Variants in GPBP1 observed in about 807,000 individuals in gnomAD.
The protein encoded by GPBP1 is GC-rich promoter binding protein 1.
In GPBP1, 13 loss-of-function variants were observed where a neutral mutation model predicts 56.5. The ratio of observed to expected loss-of-function variants is 0.23; its 90% CI spans 0.15 to 0.37. GPBP1 has a LOEUF of 0.37. Among genes scored for constraint, GPBP1 ranks in the 10% least tolerant of loss-of-function variants. The probability of loss-of-function intolerance (pLI) is 1.00; values close to 1 mark genes in which losing one functional copy is unlikely to be tolerated. For missense variants in GPBP1, 477 were observed against 572.3 expected (o/e 0.83, Z 1.70); for synonymous variants, 204 against 188.9 (o/e 1.08, Z -0.66).
intron 3 of GPBP1, among the ~76,000 whole-genome samples, chr5:57,226,993 C>A (rs1425894600): frequency 1.3e-5 from 2 of 151,960 alleles, no homozygotes; most frequent in Non-Finnish European, 2.9e-5. Context: ...CCTGCCTTGG[C>A]CTCCCAAAGT....
chr5:57,200,751 C>T (rs776061473), intron 2 of GPBP1, among the ~76,000 whole-genome samples: 6 of 151,862 alleles, frequency 4.0e-5, no homozygotes, highest in Admixed American at 2.0e-4. Flanking sequence ...GCATGATCTC[C>T]GCTCACTGCA....
intron 6 of GPBP1, among the ~76,000 whole-genome samples, chr5:57,238,054 T>A (rs1236527561): frequency 6.6e-6 from 1 of 152,232 alleles, no homozygotes; most frequent in Non-Finnish European, 1.5e-5. Flanking sequence ...ACTTCAATAG[T>A]GTTTTTATGT....
intron 2 of GPBP1, among the ~76,000 whole-genome samples, chr5:57,204,107 G>A (rs992235014): frequency 7.2e-5 from 11 of 152,098 alleles, no homozygotes; most frequent in African/African-American, 2.7e-4. Flanking sequence ...GCATGCAGTA[G>A]ATGTCTACTA....
At chr5:57,203,500 C>G (rs78029840) in intron 2 of GPBP1, among the ~76,000 whole-genome samples, 203 of 152,072 alleles carry the variant, frequency 1.3e-3, no homozygotes, top group African/African-American at 4.7e-3. Flanking sequence ...TTAGCCAGGC[C>G]CATGTGGTGC....
intron 2 of GPBP1, among the ~76,000 whole-genome samples, chr5:57,197,202 A>G (rs1754803509): frequency 6.6e-6 from 1 of 151,994 alleles, no homozygotes; most frequent in African/African-American, 2.4e-5. Flanking sequence ...TAAAAAAGTA[A>G]TTTATATAGT....
intron 2 of GPBP1, among the ~76,000 whole-genome samples, chr5:57,191,904 A>G (rs1486521149): frequency 1.3e-5 from 2 of 152,162 alleles, no homozygotes; most frequent in East Asian, 3.9e-4. Flanking sequence ...AGCAGAATTT[A>G]AGACTTATCA....
intron 6 of GPBP1, 91 bp from the exon 7 acceptor site, chr5:57,246,209 A>T (rs1741081575): frequency 2.0e-6 from 2 of 1,013,016 alleles, no homozygotes; most frequent in African/African-American, 3.2e-5. Context: ...AAAAAAAAAA[A>T]AAATTTGGAA....
chr5:57,207,879 C>T (rs887643102), intron 2 of GPBP1, among the ~76,000 whole-genome samples: 1 of 152,154 alleles, frequency 6.6e-6, no homozygotes, highest in African/African-American at 2.4e-5. Context: ...TGGTATTCCA[C>T]TGGCATGCTT....
chr5:57,177,327 T>TTAA (rs1298423218), intron 2 of GPBP1, among the ~76,000 whole-genome samples: 42 of 152,274 alleles, frequency 2.8e-4, no homozygotes, highest in Non-Finnish European at 5.6e-4. Context: ...TCATAGGCAT[T>TTAA]TAATGTTTTT....
At chr5:57,247,927 A>T (rs911272099) in intron 8 of GPBP1, among the ~76,000 whole-genome samples, 1 of 152,128 alleles carries the variant, frequency 6.6e-6, no homozygotes. Context: ...CTTTTTGTAG[A>T]GACGAGGATC....
chr5:57,206,344 A>G (rs1314144825), intron 2 of GPBP1, among the ~76,000 whole-genome samples: 6 of 151,990 alleles, frequency 3.9e-5, no homozygotes, highest in African/African-American at 1.4e-4. Flanking sequence ...GTTTTCTTCT[A>G]AGAGTTTTAT....
intron 3 of GPBP1, among the ~76,000 whole-genome samples, chr5:57,219,526 C>G (rs1375945059): frequency 6.6e-6 from 1 of 151,534 alleles, no homozygotes; most frequent in East Asian, 1.9e-4. Flanking sequence ...GATTAAGCCA[C>G]TGAAATCAAT....
intron 3 of GPBP1, among the ~76,000 whole-genome samples, chr5:57,222,378 C>G (rs1580031117): frequency 6.6e-6 from 1 of 152,160 alleles, no homozygotes; most frequent in Non-Finnish European, 1.5e-5. Flanking sequence ...ATGTATCAGA[C>G]TTTAAAATTC....
intron 2 of GPBP1, among the ~76,000 whole-genome samples, chr5:57,198,151 T>G (rs80021228): frequency 0.015 from 2,337 of 152,300 alleles, 138 homozygotes; most frequent in East Asian, 0.097. Flanking sequence ...TCTGCCCTCC[T>G]TTGTATCTGC....
chr5:57,231,745 A>G (rs923114580), intron 5 of GPBP1, among the ~76,000 whole-genome samples: 3 of 152,200 alleles, frequency 2.0e-5, no homozygotes, highest in Admixed American at 6.5e-5. Flanking sequence ...ATTCTTATTC[A>G]GTATATATGA....
intron 2 of GPBP1, among the ~76,000 whole-genome samples, chr5:57,196,787 T>C (rs1754785176): frequency 6.6e-6 from 1 of 151,930 alleles, no homozygotes; most frequent in Non-Finnish European, 1.5e-5. Context: ...TTATTATCAT[T>C]ATTATTATTT....
intron 2 of GPBP1, among the ~76,000 whole-genome samples, chr5:57,181,367 G>A (rs1255313588): frequency 6.6e-6 from 1 of 151,066 alleles, no homozygotes; most frequent in Non-Finnish European, 1.5e-5. Context: ...GATGAGGCCG[G>A]ATGCCTCGGT....
intron 3 of GPBP1, among the ~76,000 whole-genome samples, chr5:57,226,687 G>A (rs115797100): frequency 0.03 from 4,411 of 147,644 alleles, 153 homozygotes; most frequent in East Asian, 0.12. Flanking sequence ...AAGTCACTGG[G>A]ATTACAGGTG....
chr5:57,205,915 C>T (rs1253834126), intron 2 of GPBP1, among the ~76,000 whole-genome samples: 1 of 152,112 alleles, frequency 6.6e-6, no homozygotes, highest in African/African-American at 2.4e-5. Context: ...AGGTGTGCCT[C>T]ACCACACCTG....
Sources: allele counts gnomAD v4.1 joint callset (sites outside exome capture counted in the v4.1 genomes callset), GRCh38; gene constraint gnomAD v4.1.1; transcripts MANE v1.5; gene names NCBI Gene and HGNC (gene_info 2026-07-23, HGNC 2026-07-21).